ZFPM1: variants seen among roughly 807,000 people sequenced by gnomAD.
The protein encoded by ZFPM1 is zinc finger protein, FOG family member 1.
A neutral mutation model predicts 46.3 loss-of-function variants in ZFPM1; 28 were observed. That is an observed-to-expected ratio of 0.60 (90% CI 0.45 to 0.83). The LOEUF is 0.83. Ranked by LOEUF, ZFPM1 falls within the 40% of genes least tolerant of loss-of-function variation. The pLI is 0.00. For missense variants in ZFPM1, 1,878 were observed against 1,432.4 expected (o/e 1.31, Z -5.02); for synonymous variants, 957 against 675.9 (o/e 1.42, Z -6.45).
At chr16:88,529,302 G>A (rs941390925) in intron 6 of ZFPM1, among the ~76,000 whole-genome samples, 1 of 152,236 alleles carries the variant, frequency 6.6e-6, no homozygotes, top group African/African-American at 2.4e-5. Context: ...GAGGGGGACG[G>A]TAAGACTCAG....
At chr16:88,488,610 G>A (rs914889181) in intron 2 of ZFPM1, among the ~76,000 whole-genome samples, 13 of 152,244 alleles carry the variant, frequency 8.5e-5, no homozygotes, top group Admixed American at 7.2e-4. Flanking sequence ...CGCATCGATC[G>A]GGGCCGAGGT....
chr16:88,520,288 G>A (rs73248151), intron 4 of ZFPM1, among the ~76,000 whole-genome samples: 11,015 of 150,272 alleles, frequency 0.073, 844 homozygotes, highest in African/African-American at 0.2. Flanking sequence ...GGATAGATAG[G>A]TAGGTGGATG....
intron 1 of ZFPM1, among the ~76,000 whole-genome samples, chr16:88,466,507 G>C (rs1908141770): frequency 6.6e-6 from 1 of 152,198 alleles, no homozygotes; most frequent in Non-Finnish European, 1.5e-5. Flanking sequence ...CTCCCAGGGG[G>C]CTCACCCGTA....
intron 4 of ZFPM1, among the ~76,000 whole-genome samples, chr16:88,519,146 A>ATGGG (rs1911606381): frequency 9.0e-6 from 1 of 111,366 alleles, no homozygotes; most frequent in Non-Finnish European, 1.8e-5. Context: ...GGATGGATGG[A>ATGGG]TGGATGATGG....
At position 88,535,080 on chromosome 16, in the gene ZFPM1, A is replaced by T. The variant is rs912509257; in HGVS notation, c.*101A>T. ...GACTGCCGCTCCTGGGAACCCCGCCACGCACAGGCCTCGGCGGAGGGGGCC... is the reference window on the plus strand; with the variant it reads ...GACTGCCGCTCCTGGGAACCCCGCCTCGCACAGGCCTCGGCGGAGGGGGCC... On this transcript the variant is annotated 3_prime_UTR_variant, in exon 10 of 10. Coordinates refer to ENST00000319555, the MANE Select transcript of ZFPM1 (RefSeq NM_153813.3). 8.4e-6 allele frequency: 11 copies of T among 1,316,634 alleles called. No individual in the cohort carries two copies. The Admixed American group carries it at 3.1e-4, about 37-fold the overall frequency. 81.6% of individuals were successfully genotyped at this position (1,316,634 alleles called of 1,614,324 possible).
chr16:88,452,915 A>G (rs1407388541), upstream of ZFPM1, among the ~76,000 whole-genome samples: 6 of 152,152 alleles, frequency 3.9e-5, no homozygotes, highest in Admixed American at 3.9e-4. Context: ...CCTCCGGGCC[A>G]AAGAGGAGTG....
chr16:88,479,266 C>A (rs1352478924), intron 1 of ZFPM1, among the ~76,000 whole-genome samples: 1 of 152,134 alleles, frequency 6.6e-6, no homozygotes, highest in South Asian at 2.1e-4. Flanking sequence ...TGGGCTGCTG[C>A]TACCACTGCT....
Position 88,532,952 on chromosome 16 carries a change from G to A in ZFPM1, c.1189+17G>A. Reference sequence around the variant, plus strand: ...TGCCCCCAGGTGAGCAGCCCTGTGGGGGCCACCCCTGCCCCTTAGGCCCCC... The same window carrying A: ...TGCCCCCAGGTGAGCAGCCCTGTGGAGGCCACCCCTGCCCCTTAGGCCCCC... On this transcript the variant is annotated intron_variant, in intron 9 of 9. Transcript: ENST00000319555. 1.9e-6 allele frequency: 3 copies of A among 1,612,478 alleles called. No individual in the cohort carries two copies. The highest frequency in any genetic ancestry group is 1.7e-6 in the Non-Finnish European group (2 of 1,179,814).
rs755520531 is a variant in ZFPM1 at position 88,489,130 on chromosome 16, C to G, written c.245C>G (p.Pro82Arg). Residue 82 changes from proline to arginine, a missense_variant, in exon 3 of 10, where the codon CCG becomes CGG. Pro to Arg is a moderately radical substitution (Grantham distance 103, BLOSUM62 -2). Coordinates refer to ENST00000319555, the MANE Select transcript of ZFPM1 (RefSeq NM_153813.3). ...EPEPRPTEEE[P>R]GSPWSGPDEL... The stretch of plus-strand genomic sequence containing the variant: ...GAACCCAGGCCCACGGAGGAAGAGC[C>G]GGGCAGTCCCTGGAGCGGGCCAGGT... The G allele has an allele frequency of 6.2e-6, 10 of 1,608,634 alleles. No individual in the cohort carries two copies. Among genetic ancestry groups the G allele is most frequent in the Non-Finnish European group, 8.5e-6 (10 of 1,177,910 alleles).
At chr16:88,477,820 C>T (rs1908753108) in intron 1 of ZFPM1, among the ~76,000 whole-genome samples, 1 of 152,380 alleles carries the variant, frequency 6.6e-6, no homozygotes, top group South Asian at 2.1e-4. Flanking sequence ...GGGCTCAGGG[C>T]CCCTGCACAG....
At position 88,531,687 on chromosome 16, in the gene ZFPM1, G is replaced by C. The variant is rs527652361; in HGVS notation, c.713-315G>C. ...TCATGGATGCTAGCCTCACCTGGCG[G>C]TGTCCACTTCTTCCTTCTGCCCCCA... is the stretch of plus-strand genomic sequence containing the variant. On this transcript the variant is annotated intron_variant, in intron 6 of 9. Transcript: ENST00000319555. Among the ~76,000 whole-genome samples, 3 of 152,338 alleles carry C rather than the reference G, an allele frequency of 2.0e-5. No homozygotes were observed. The South Asian group carries it at 6.2e-4, about 32-fold the overall frequency.
chr16:88,529,198 A>G (rs979212543), intron 6 of ZFPM1, among the ~76,000 whole-genome samples: 3 of 152,248 alleles, frequency 2.0e-5, no homozygotes, highest in Non-Finnish European at 4.4e-5. Context: ...CATCGTGGAC[A>G]GGCACGAGTC....
intron 4 of ZFPM1, chr16:88,516,701 C>CTGAT (rs1226761946): frequency 1.3e-5 from 5 of 397,670 alleles, no homozygotes; most frequent in African/African-American, 6.2e-5. Flanking sequence ...TCGCTCTTGG[C>CTGAT]TGATAGGTCC....
chr16:88,489,213 T>C, intron 3 of ZFPM1, 60 bp downstream of exon 3: 1 of 1,530,084 alleles, frequency 6.5e-7, no homozygotes, highest in South Asian at 1.2e-5. Flanking sequence ...GCCCGGCCCC[T>C]GGGAGCAGGG....
At chr16:88,523,895 C>G (rs568104080) in intron 4 of ZFPM1, among the ~76,000 whole-genome samples, 24 of 152,322 alleles carry the variant, frequency 1.6e-4, no homozygotes, top group African/African-American at 5.3e-4. Flanking sequence ...GCCCCACATA[C>G]GCGGGGTGCA....
At chr16:88,496,392 G>A (rs953703327) in intron 3 of ZFPM1, among the ~76,000 whole-genome samples, 1 of 152,060 alleles carries the variant, frequency 6.6e-6, no homozygotes, top group Admixed American at 6.5e-5. Flanking sequence ...CCTGACCCAG[G>A]TGCACCACTG....
chr16:88,468,160 G>A (rs1208649774), intron 1 of ZFPM1, among the ~76,000 whole-genome samples: 3 of 102,674 alleles, frequency 2.9e-5, no homozygotes, highest in Non-Finnish European at 5.5e-5. Flanking sequence ...ACCCACCCGC[G>A]AGCCCACAGG....
At chr16:88,475,946 C>T (rs998923327) in intron 1 of ZFPM1, among the ~76,000 whole-genome samples, 1 of 152,198 alleles carries the variant, frequency 6.6e-6, no homozygotes, top group Non-Finnish European at 1.5e-5. Flanking sequence ...CCACCAGGTC[C>T]ACCCCTCGGT....
At chr16:88,456,246 C>A (rs1393541375) in intron 1 of ZFPM1, among the ~76,000 whole-genome samples, 5 of 152,364 alleles carry the variant, frequency 3.3e-5, no homozygotes, top group South Asian at 2.1e-4. Flanking sequence ...GGGGAGGACA[C>A]CCCGCCCCGA....
Sources: allele counts gnomAD v4.1 joint callset (sites outside exome capture counted in the v4.1 genomes callset), GRCh38; gene constraint gnomAD v4.1.1; transcripts MANE v1.5; gene names NCBI Gene and HGNC (gene_info 2026-07-23, HGNC 2026-07-21).